Variants in ZBTB44 observed in about 807,000 individuals in gnomAD.
ZBTB44 encodes zinc finger and BTB domain-containing protein 44.
A neutral mutation model predicts 54.0 loss-of-function variants in ZBTB44; 15 were observed. The observed-to-expected ratio is 0.28, with a 90% CI of 0.19 to 0.43. The LOEUF (loss-of-function observed/expected upper bound fraction) is 0.43, where lower values mean the gene tolerates loss of function less well. ZBTB44 is among the 20% of genes least tolerant of loss of function. The pLI, the probability that ZBTB44 is intolerant of heterozygous loss-of-function variation, is 1.00. For missense variants in ZBTB44, 487 were observed against 707.1 expected (o/e 0.69, Z 3.53); for synonymous variants, 230 against 250.1 (o/e 0.92, Z 0.76).
chr11:130,237,432 G>A (rs760782655), intron 4 of ZBTB44, among the ~76,000 whole-genome samples: 38 of 152,218 alleles, frequency 2.5e-4, no homozygotes, highest in African/African-American at 8.2e-4. Context: ...CCCACTAACA[G>A]CACATATTAT....
At chr11:130,270,668 T>C (rs1939600886) in intron 1 of ZBTB44, among the ~76,000 whole-genome samples, 1 of 152,124 alleles carries the variant, frequency 6.6e-6, no homozygotes, top group Non-Finnish European at 1.5e-5. Context: ...GAGAAATATT[T>C]AGAATGGAAA....
chr11:130,252,266 A>G (rs565469456), intron 2 of ZBTB44, among the ~76,000 whole-genome samples: 143 of 152,354 alleles, frequency 9.4e-4, no homozygotes, highest in African/African-American at 3.2e-3. Context: ...AAGCACCCAG[A>G]TTCATAAAAC....
At chr11:130,300,707 C>G (rs575244048) in intron 1 of ZBTB44, among the ~76,000 whole-genome samples, 1 of 152,212 alleles carries the variant, frequency 6.6e-6, no homozygotes, top group Non-Finnish European at 1.5e-5. Context: ...AAGATAGAAA[C>G]CAAAGTCTAT....
chr11:130,261,664 A>G lies in ZBTB44; in HGVS notation c.210T>C (p.Asn70=), dbSNP rs1938871200. 6.2e-7 allele frequency: 1 copy of G among 1,614,064 alleles called. No homozygotes were observed. The highest frequency in any genetic ancestry group is 1.7e-5 in the Admixed American group (1 of 60,020). The stretch of plus-strand genomic sequence containing the variant: ...CTGTAACATGATGCAGATCCAACAC[A>G]TTCTTGTTCTCATCCTCGGCTTGGC... ...LVGQAEDENK[N]VLDLHHVTVT... Residue 70 remains asparagine (N), a synonymous_variant, in exon 2 of 8, where the codon AAT becomes AAC. Coordinates refer to ENST00000357899, the MANE Select transcript of ZBTB44 (RefSeq NM_001301098.2). This position sits in a 1 kb window ranked among gnomAD's most constrained non-coding sequence, Gnocchi z 4.8.
intron 1 of ZBTB44, among the ~76,000 whole-genome samples, chr11:130,271,533 A>G (rs956244806): frequency 1.3e-5 from 2 of 152,184 alleles, no homozygotes; most frequent in African/African-American, 4.8e-5. Flanking sequence ...GCCAGCCCTA[A>G]GCAATCACTA....
rs774263395 is a variant in ZBTB44, at chr11:130,261,655, A to T, written c.219T>A (p.Asp73Glu). The stretch of plus-strand genomic sequence containing the variant: ...AGCCAGTCACTGTAACATGATGCAG[A>T]TCCAACACATTCTTGTTCTCATCCT... ...QAEDENKNVL[D>E]LHHVTVTGFI... The change falls in exon 2 of 8, where the codon GAT (aspartate) becomes GAA (glutamate). Residue 73 changes from aspartate to glutamate, a missense_variant. By Grantham distance (45) the Asp-to-Glu change is conservative. Coordinates refer to ENST00000357899, the MANE Select transcript of ZBTB44 (RefSeq NM_001301098.2). The surrounding 1 kb of genome is among the most constrained non-coding windows in gnomAD (Gnocchi z 4.8). The T allele has an allele frequency of 1.2e-6, 2 of 1,614,038 alleles. No individual in the cohort carries two copies. Among genetic ancestry groups the T allele is most frequent in the South Asian group, 2.2e-5 (2 of 91,084 alleles).
chr11:130,295,043 G>A (rs114513395), intron 1 of ZBTB44, among the ~76,000 whole-genome samples: 140 of 152,162 alleles, frequency 9.2e-4, no homozygotes, highest in African/African-American at 3.2e-3. Context: ...TGTACTGTGT[G>A]ACGTCGTGAT....
intron 1 of ZBTB44, among the ~76,000 whole-genome samples, chr11:130,264,157 C>CA (rs1939078312): frequency 6.6e-6 from 1 of 152,188 alleles, no homozygotes; most frequent in South Asian, 2.1e-4. Flanking sequence ...CAACACACCT[C>CA]ATAGAGTTCT....
chr11:130,297,196 T>C (rs1207242198), intron 1 of ZBTB44, among the ~76,000 whole-genome samples: 2 of 152,246 alleles, frequency 1.3e-5, no homozygotes, highest in Non-Finnish European at 2.9e-5. Context: ...CACTGAGCAC[T>C]GTAACTTCTA....
chr11:130,256,683 AT>A (rs779204964), intron 2 of ZBTB44, among the ~76,000 whole-genome samples: 6 of 145,968 alleles, frequency 4.1e-5, no homozygotes, highest in Non-Finnish European at 8.9e-5. Flanking sequence ...AAAATTAAAA[AT>A]AAAAATTCAA....
At chr11:130,266,354 G>A (rs993800136) in intron 1 of ZBTB44, among the ~76,000 whole-genome samples, 6 of 152,164 alleles carry the variant, frequency 3.9e-5, no homozygotes, top group African/African-American at 4.8e-5. Context: ...TCTGGTCATC[G>A]AGGAGCTCTG....
At position 130,260,917 on chromosome 11, in the gene ZBTB44, T is replaced by A. The variant is rs753817585; in HGVS notation, c.957A>T (p.Thr319=). 1 of 1,614,030 alleles carries A rather than the reference T, an allele frequency of 6.2e-7. No individual in the cohort carries two copies. The highest frequency in any genetic ancestry group is 8.5e-7 in the Non-Finnish European group (1 of 1,179,910). The change falls in exon 2 of 8, where the codon ACA becomes ACT. Residue 319 remains threonine, a synonymous_variant. Transcript: ENST00000357899. ...ASQSSLSDQQ[T]VPGSEQVQED... ...CTTGGACTTGTTCACTTCCTGGAAC[T>A]GTCTGCTGATCACTCAGCGAACTCT...
chr11:130,259,684 T>C (rs1938709615), intron 2 of ZBTB44, among the ~76,000 whole-genome samples: 1 of 151,642 alleles, frequency 6.6e-6, no homozygotes, highest in Non-Finnish European at 1.5e-5. Flanking sequence ...ACCATCATTC[T>C]CCGCAAACTA....
At position 130,290,176 on chromosome 11, in the gene ZBTB44, A is replaced by C. The variant is rs143972199; in HGVS notation, c.-57+24199T>G. ...CACAGGAGAAGGTGAAAAGTGGGGAAGAGGAGGTGGTGTAGCAACGTGAAG... is the reference window on the plus strand; with the variant it reads ...CACAGGAGAAGGTGAAAAGTGGGGACGAGGAGGTGGTGTAGCAACGTGAAG... On this transcript the variant is annotated intron_variant, in intron 1 of 7. Coordinates refer to ENST00000357899, the MANE Select transcript of ZBTB44 (RefSeq NM_001301098.2). Among the ~76,000 whole-genome samples the C allele has an allele frequency of 8.6e-3, 1,317 of 152,316 alleles. 9 individuals are homozygous for C. The highest frequency in any genetic ancestry group is 0.022 in the African/African-American group (895 of 41,564).
chr11:130,263,024 G>A (rs71483612), intron 1 of ZBTB44, among the ~76,000 whole-genome samples: 10,577 of 152,284 alleles, frequency 0.069, 485 homozygotes, highest in Non-Finnish European at 0.1. Context: ...CTGCACCACT[G>A]CACTCCACCC....
intron 1 of ZBTB44, chr11:130,296,460 T>A: frequency 8.5e-7 from 1 of 1,180,010 alleles, no homozygotes; most frequent in Admixed American, 2.2e-5. Flanking sequence ...CTTCCAGTTC[T>A]GCAACACAGA....
rs551802759 is a variant in ZBTB44 at position 130,309,561 on chromosome 11, T to C, written c.-57+4814A>G. 2.0e-5 allele frequency among the ~76,000 whole-genome samples: 3 copies of C among 152,314 alleles called. No individual in the cohort carries two copies. The South Asian group carries it at 6.2e-4, about 32-fold the overall frequency. ...AATGCCTTTTTATCTGTACATAGCA[T>C]ATTTATGCCAGTTTTGTTGTAGATG... On this transcript the variant is annotated intron_variant, in intron 1 of 7. Coordinates refer to ENST00000357899, the MANE Select transcript of ZBTB44 (RefSeq NM_001301098.2).
intron 1 of ZBTB44, among the ~76,000 whole-genome samples, 177 bp from the exon 2 acceptor site, chr11:130,262,106 C>A (rs1407402566): frequency 1.3e-5 from 2 of 152,060 alleles, no homozygotes; most frequent in Non-Finnish European, 1.5e-5. Context: ...TCCAAACTGT[C>A]CAATCAGTGA....
At chr11:130,258,200 GA>G (rs1381750857) in intron 2 of ZBTB44, among the ~76,000 whole-genome samples, 1 of 152,106 alleles carries the variant, frequency 6.6e-6, no homozygotes, top group Admixed American at 6.6e-5. Context: ...AACAAAATAT[GA>G]AAAATTGTGA....
Sources: gnomAD v4.1 joint callset for allele counts (sites outside exome capture counted in the v4.1 genomes callset) on GRCh38, gnomAD v4.1.1 for gene constraint, Gnocchi (gnomAD v3.1) non-coding constraint, MANE v1.5 for transcripts, NCBI Gene and HGNC (gene_info 2026-07-23, HGNC 2026-07-21) for gene names.